CFTR: variants seen among roughly 807,000 people sequenced by gnomAD.
CFTR encodes cystic fibrosis transmembrane conductance regulator.
A neutral mutation model predicts 171.6 loss-of-function variants in CFTR; 181 were observed. That is an observed-to-expected ratio of 1.05 (90% CI 0.93 to 1.19). CFTR has a LOEUF of 1.19. Ranked by LOEUF, CFTR falls within the 50% of genes most tolerant of loss-of-function variation. CFTR has a pLI of 0.00. For synonymous variants in CFTR, 583 were observed against 608.0 expected, an observed-to-expected ratio of 0.96 and a Z score of 0.60; for missense variants, 1,968 against 1,734.7, an observed-to-expected ratio of 1.13 and a Z score of -2.39.
chr7:117,542,976 T>C (rs970022711), intron 9 of CFTR, among the ~76,000 whole-genome samples: 2 of 152,244 alleles, frequency 1.3e-5, no homozygotes, highest in African/African-American at 4.8e-5. Flanking sequence ...ACCAGTGTAT[T>C]GTTTTCTACC....
At chr7:117,655,123 G>C (rs377675238) in intron 24 of CFTR, among the ~76,000 whole-genome samples, 6 of 152,130 alleles carry the variant, frequency 3.9e-5, no homozygotes, top group Non-Finnish European at 5.9e-5. Context: ...TCCTGAGCAG[G>C]CTTTCTCATC....
intron 22 of CFTR, among the ~76,000 whole-genome samples, chr7:117,628,759 A>C (rs954882207): frequency 1.3e-5 from 2 of 152,140 alleles, no homozygotes; most frequent in South Asian, 4.1e-4. Context: ...GTGAAAACAT[A>C]TATATAGGAT....
At chr7:117,565,582 G>A (rs1380107519) in intron 11 of CFTR, among the ~76,000 whole-genome samples, 5 of 152,102 alleles carry the variant, frequency 3.3e-5, no homozygotes, top group African/African-American at 7.2e-5. Flanking sequence ...AGAGCTTTAG[G>A]ATATATAATT....
intron 1 of CFTR, among the ~76,000 whole-genome samples, chr7:117,490,083 G>T (rs930049311): frequency 6.6e-6 from 1 of 151,844 alleles, no homozygotes; most frequent in Non-Finnish European, 1.5e-5. Context: ...TATGATGGAA[G>T]AAGCATGTAC....
chr7:117,573,554 CTGAG>C (rs1451638853), intron 11 of CFTR, among the ~76,000 whole-genome samples: 19 of 152,088 alleles, frequency 1.2e-4, no homozygotes, highest in Admixed American at 5.2e-4. Flanking sequence ...CCAAATTCTC[CTGAG>C]TAAGAGTAGG....
chr7:117,560,593 G>A (rs947494705), intron 11 of CFTR: 2 of 151,882 alleles, frequency 1.3e-5, no homozygotes, highest in African/African-American at 2.4e-5. Flanking sequence ...TTATAAAAAG[G>A]GTTGCATGCT....
At chr7:117,484,326 G>A (rs1798039855) in intron 1 of CFTR, among the ~76,000 whole-genome samples, 1 of 152,186 alleles carries the variant, frequency 6.6e-6, no homozygotes, top group Admixed American at 6.5e-5. Flanking sequence ...CAACTGCCAA[G>A]CATTCCCGAT....
At chr7:117,585,106 G>A (rs752766947) in intron 11 of CFTR, among the ~76,000 whole-genome samples, 6 of 151,500 alleles carry the variant, frequency 4.0e-5, no homozygotes, top group East Asian at 1.9e-4. Flanking sequence ...CTTTTTTCCC[G>A]CTATTATCTT....
intron 24 of CFTR, among the ~76,000 whole-genome samples, chr7:117,654,514 G>C (rs1431211424): frequency 2.0e-5 from 3 of 152,008 alleles, no homozygotes. Context: ...TTGAGGGAGG[G>C]ACCTGGTGAG....
At chr7:117,610,984 C>T (rs1212241758) in intron 19 of CFTR, among the ~76,000 whole-genome samples, 2 of 152,064 alleles carry the variant, frequency 1.3e-5, no homozygotes, top group African/African-American at 4.8e-5. Context: ...GATAGTGCTG[C>T]TATTACTAAA....
intron 11 of CFTR, among the ~76,000 whole-genome samples, chr7:117,570,500 G>T (rs959002062): frequency 6.6e-6 from 1 of 152,122 alleles, no homozygotes; most frequent in Non-Finnish European, 1.5e-5. Context: ...ACTGGAAGGG[G>T]ATAATGAAAA....
intron 3 of CFTR, among the ~76,000 whole-genome samples, chr7:117,518,003 C>T (rs1159541566): frequency 1.3e-5 from 2 of 151,984 alleles, no homozygotes; most frequent in Non-Finnish European, 2.9e-5. Context: ...CTGTAAGTTG[C>T]CTGTTCACTC....
intron 22 of CFTR, among the ~76,000 whole-genome samples, chr7:117,633,094 T>A (rs2116142977): frequency 6.6e-6 from 1 of 152,316 alleles, no homozygotes; most frequent in South Asian, 2.1e-4. Flanking sequence ...AATCTATAGA[T>A]GGAGTTGGGA....
chr7:117,542,201 A>T lies in CFTR; in HGVS notation c.1209+93A>T, dbSNP rs1799066943. 2.3e-5 allele frequency: 17 copies of T among 726,164 alleles called. No individual in the cohort carries two copies. The South Asian group carries it at 2.5e-4, about 11-fold the overall frequency. The allele number at this position is 726,164 out of a possible 1,614,324, so 45.0% of individuals were successfully genotyped here. On this transcript the variant is annotated intron_variant, in intron 9 of 26. Coordinates refer to ENST00000003084, the MANE Select transcript of CFTR (RefSeq NM_000492.4). ...CATCCTAATGGCGAATAAAATTAGA[A>T]TGATGATATAACTGGTAGAACTGGA...
chr7:117,515,561 A>G (rs1584778874), intron 3 of CFTR, among the ~76,000 whole-genome samples: 1 of 152,140 alleles, frequency 6.6e-6, no homozygotes, highest in Non-Finnish European at 1.5e-5. Flanking sequence ...GTAGCCTTGT[A>G]GTATATTTTG....
chr7:117,508,414 A>G (rs1032049436), intron 2 of CFTR, among the ~76,000 whole-genome samples: 10 of 152,224 alleles, frequency 6.6e-5, no homozygotes, highest in African/African-American at 2.2e-4. Context: ...TATTCTTACT[A>G]TAATAGAAAA....
rs757136340 is a variant in CFTR, at chr7:117,531,093, GT to G, written c.471del (p.Phe157LeufsTer3). ...HIGMQMRIAM[F>X]SLIYKKTLKL... Reference sequence around the variant, plus strand: ...TTGGAATGCAGATGAGAATAGCTATGTTTAGTTTGATTTATAAGAAGGTAAT... The same window carrying G: ...TTGGAATGCAGATGAGAATAGCTATGTTAGTTTGATTTATAAGAAGGTAAT... On this transcript the variant is annotated frameshift_variant, in exon 4 of 27. Transcript: ENST00000003084. LOFTEE classifies it high-confidence loss of function. The G allele has an allele frequency of 6.2e-7, 1 of 1,613,120 alleles. No individual in the cohort carries two copies. The highest frequency in any genetic ancestry group is 1.1e-5 in the South Asian group (1 of 90,954).
chr7:117,648,630 C>T (rs1793033434), intron 23 of CFTR, among the ~76,000 whole-genome samples: 1 of 152,116 alleles, frequency 6.6e-6, no homozygotes, highest in East Asian at 1.9e-4. Flanking sequence ...CACAGTCAGT[C>T]CGAGTGTACC....
At chr7:117,611,897 G>T (rs1792395831) in intron 20 of CFTR, 89 bp downstream of exon 20, 3 of 842,792 alleles carry the variant, frequency 3.6e-6, no homozygotes, top group African/African-American at 1.7e-5. Flanking sequence ...ATCAATTTTT[G>T]ATATCTTTAG....
Sources: allele counts gnomAD v4.1 joint callset (sites outside exome capture counted in the v4.1 genomes callset), GRCh38; gene constraint gnomAD v4.1.1; transcripts MANE v1.5; gene names NCBI Gene and HGNC (gene_info 2026-07-23, HGNC 2026-07-21).